DAB1: variants seen among roughly 807,000 people sequenced by gnomAD.
DAB1 encodes the protein disabled homolog 1.
Under a neutral mutation model 64.6 loss-of-function variants are expected in DAB1, and 15 were observed. The observed-to-expected ratio is 0.23, with a 90% CI of 0.16 to 0.36. The LOEUF is 0.36. Ranked by LOEUF, DAB1 falls within the 10% of genes least tolerant of loss-of-function variation. The pLI, the probability that DAB1 is intolerant of heterozygous loss-of-function variation, is 1.00. For synonymous variants in DAB1, 235 were observed against 251.9 expected (o/e 0.93, Z 0.64); for missense variants, 596 against 706.7 (o/e 0.84, Z 1.78).
At chr1:57,785,062 T>C (rs1052560299) in intron 6 of DAB1, among the ~76,000 whole-genome samples, 14 of 152,160 alleles carry the variant, frequency 9.2e-5, no homozygotes, top group Admixed American at 6.6e-4. Flanking sequence ...ATTCTAGGCC[T>C]CTTCAGAATT....
At chr1:57,926,006 A>G (rs76740933) in intron 5 of DAB1, among the ~76,000 whole-genome samples, 2,966 of 152,306 alleles carry the variant, frequency 0.019, 66 homozygotes, top group East Asian at 0.081. Flanking sequence ...GCTTCTCGAC[A>G]AGAACTCTTT....
chr1:58,480,416 T>C (rs900401864), intron 3 of DAB1, among the ~76,000 whole-genome samples: 4 of 152,190 alleles, frequency 2.6e-5, no homozygotes, highest in Admixed American at 2.6e-4. Context: ...CCACAAACTG[T>C]ACTTCTTTTG....
intron 3 of DAB1, among the ~76,000 whole-genome samples, chr1:58,400,617 G>A (rs1196332118): frequency 6.6e-6 from 1 of 152,188 alleles, no homozygotes; most frequent in Non-Finnish European, 1.5e-5. Flanking sequence ...AGACAGCTCA[G>A]AGGGGAAACT....
chr1:57,247,604 T>C (rs904757171), intron 2 of DAB1, among the ~76,000 whole-genome samples: 1 of 152,250 alleles, frequency 6.6e-6, no homozygotes, highest in Non-Finnish European at 1.5e-5. Flanking sequence ...TAGGTTGCTA[T>C]GGAAGAGACT....
At chr1:57,585,927 C>A (rs1408934490) in intron 7 of DAB1, among the ~76,000 whole-genome samples, 1 of 152,162 alleles carries the variant, frequency 6.6e-6, no homozygotes, top group African/African-American at 2.4e-5. Context: ...AGCTGTGGAG[C>A]CTTGAGCAAG....
intron 1 of DAB1, among the ~76,000 whole-genome samples, chr1:58,532,379 T>C (rs1646447214): frequency 6.6e-6 from 1 of 152,192 alleles, no homozygotes; most frequent in Non-Finnish European, 1.5e-5. Context: ...AAAAAACAAA[T>C]GTACTGAATA....
rs146213071 is a variant in DAB1 at position 57,371,990 on chromosome 1, G to A, written c.-137+51940C>T. Among the ~76,000 whole-genome samples, 153 of 152,310 alleles carry A rather than the reference G, an allele frequency of 1.0e-3. 1 individual carries two copies. The East Asian group carries it at 0.025, about 24-fold the overall frequency. On this transcript the variant is annotated intron_variant, in intron 1 of 14. Transcript: ENST00000371236. ...AACGGAGAAATCCTGCTTAAGGTAT[G>A]TTTGACTATTTTTAAAGCATCAGGT...
At chr1:57,483,486 T>A (rs185989309) in intron 7 of DAB1, among the ~76,000 whole-genome samples, 1 of 152,368 alleles carries the variant, frequency 6.6e-6, no homozygotes, top group Admixed American at 6.5e-5. Flanking sequence ...TCCCCAGCTA[T>A]GTGCAACTGT....
intron 4 of DAB1, among the ~76,000 whole-genome samples, chr1:58,246,765 A>C (rs987040810): frequency 2.0e-5 from 3 of 152,012 alleles, no homozygotes; most frequent in African/African-American, 7.2e-5. Context: ...TGTATTTATG[A>C]ATGTGTGAAA....
intron 4 of DAB1, among the ~76,000 whole-genome samples, chr1:57,119,329 A>G (rs1656427770): frequency 6.6e-6 from 1 of 152,126 alleles, no homozygotes; most frequent in Non-Finnish European, 1.5e-5. Flanking sequence ...CTGGTTGGCT[A>G]TCATTTTTTT....
intron 2 of DAB1, among the ~76,000 whole-genome samples, chr1:57,269,047 G>A (rs1005944316): frequency 2.6e-5 from 4 of 152,114 alleles, no homozygotes; most frequent in African/African-American, 9.7e-5. Flanking sequence ...ACTTTAGAGA[G>A]ATCGAGAGAG....
chr1:57,627,483 G>T (rs1394924084), intron 7 of DAB1, among the ~76,000 whole-genome samples: 1 of 152,148 alleles, frequency 6.6e-6, no homozygotes, highest in Admixed American at 6.5e-5. Flanking sequence ...CATGTGCTAA[G>T]GTCTTTGCTT....
At chr1:57,171,167 T>G (rs993016333) in intron 2 of DAB1, among the ~76,000 whole-genome samples, 2 of 152,114 alleles carry the variant, frequency 1.3e-5, no homozygotes, top group African/African-American at 2.4e-5. Flanking sequence ...TCTAGCCAGG[T>G]GGAGGTTTTT....
At chr1:57,998,389 CTT>C (rs3991037) in intron 5 of DAB1, among the ~76,000 whole-genome samples, 50,645 of 127,830 alleles carry the variant, frequency 0.4, 8,832 homozygotes, top group South Asian at 0.62. Flanking sequence ...TTTTTTCTCT[CTT>C]TTTTTTTTTT....
At chr1:58,107,120 T>C (rs1278043387) in intron 5 of DAB1, among the ~76,000 whole-genome samples, 1 of 151,388 alleles carries the variant, frequency 6.6e-6, no homozygotes, top group Non-Finnish European at 1.5e-5. Flanking sequence ...ATAATTTCAA[T>C]ATAGTGTGAT....
rs550816153 is a variant in DAB1 at position 58,066,311 on chromosome 1, G to A, written n.387+84200C>T. On this transcript the variant is annotated intron_variant and non_coding_transcript_variant, in intron 5 of 20. Transcript: ENST00000485760. ...GGGGTAGGGGAAATCATGAGGAATG[G>A]GAGTATTTATTCAGCATGGCCTGTG... Among the ~76,000 whole-genome samples the A allele has an allele frequency of 2.0e-5, 3 of 152,328 alleles. 1 individual carries two copies. The highest frequency in any genetic ancestry group is 2.0e-4 in the Admixed American group (3 of 15,304).
At chr1:57,132,607 C>T (rs1657735949) in intron 4 of DAB1, among the ~76,000 whole-genome samples, 1 of 152,132 alleles carries the variant, frequency 6.6e-6, no homozygotes, top group Admixed American at 6.5e-5. Flanking sequence ...ATTTAGGATG[C>T]TCAGCTGGTA....
At chr1:57,828,421 C>T (rs958933014) in intron 1 of DAB1, among the ~76,000 whole-genome samples, 7 of 152,320 alleles carry the variant, frequency 4.6e-5, no homozygotes, top group African/African-American at 1.4e-4. Flanking sequence ...TTCCACCCCA[C>T]CTCCTGCTGC....
At chr1:57,567,957 C>T (rs1431537397) in intron 7 of DAB1, among the ~76,000 whole-genome samples, 1 of 152,088 alleles carries the variant, frequency 6.6e-6, no homozygotes, top group Non-Finnish European at 1.5e-5. Flanking sequence ...AAAAAGAGCC[C>T]GCATTGCCAA....
Sources: gnomAD v4.1 joint callset for allele counts (sites outside exome capture counted in the v4.1 genomes callset) on GRCh38, gnomAD v4.1.1 for gene constraint, MANE v1.5 for transcripts, NCBI Gene and HGNC (gene_info 2026-07-23, HGNC 2026-07-21) for gene names.